Variants in ITPR3 observed in about 807,000 individuals in gnomAD.
The protein encoded by ITPR3 is inositol 1,4,5-trisphosphate-gated calcium channel ITPR3.
In ITPR3, 173 loss-of-function variants were observed where a neutral mutation model predicts 293.2. That is an observed-to-expected ratio of 0.59 (90% CI 0.52 to 0.67). The LOEUF is 0.67. Among genes scored for constraint, ITPR3 ranks in the 30% least tolerant of loss-of-function variants. The pLI is 0.00. For synonymous variants in ITPR3, 1,295 were observed against 1,444.4 expected (o/e 0.90, Z 2.35); for missense variants, 2,796 against 3,592.1 (o/e 0.78, Z 5.66).
At position 33,693,664 on chromosome 6, in the gene ITPR3, G is replaced by A. The variant is rs1259862533; in HGVS notation, c.7744G>A (p.Asp2582Asn). The change falls in exon 56 of 58, where the codon GAC becomes AAC. Residue 2582 changes from aspartate to asparagine, a missense_variant. Around this residue, in one of 8 missense-constraint regions of ITPR3, gnomAD observed 568 missense variants for 796.1 expected, o/e 0.71. Transcript: ENST00000605930. ...GCTGGTCCGCGTGAAGAACAAGACC[G>A]ACTACACGGGCCCTGAGAGCTACGT... Reference protein sequence around the residue: ...IVLVRVKNKTDYTGPESYVAQ... With the variant: ...IVLVRVKNKTNYTGPESYVAQ... 5 of 1,614,068 alleles carry A rather than the reference G, an allele frequency of 3.1e-6. No homozygotes were observed. The highest frequency in any genetic ancestry group is 4.2e-6 in the Non-Finnish European group (5 of 1,180,038).
Position 33,667,802 on chromosome 6 carries a change from C to A in ITPR3, c.1724C>A (p.Ala575Asp). The A allele has an allele frequency of 6.2e-7, 1 of 1,614,072 alleles. No homozygotes were observed. Among genetic ancestry groups the A allele is most frequent in the Non-Finnish European group, 8.5e-7 (1 of 1,179,972 alleles). Reference protein sequence around the residue: ...EDYRKNQEHIAKQFGMMQSQI... With the variant: ...EDYRKNQEHIDKQFGMMQSQI... Reference sequence around the variant, plus strand: ...TGTCTGCCCCCCCAGGAGCACATTGCCAAGCAGTTTGGGATGATGCAGTCC... The same window carrying A: ...TGTCTGCCCCCCCAGGAGCACATTGACAAGCAGTTTGGGATGATGCAGTCC... The change falls in exon 16 of 58, where the codon GCC becomes GAC. Residue 575 changes from alanine to aspartate, a missense_variant. By Grantham distance (126) the Ala-to-Asp change is moderately radical. Coordinates refer to ENST00000605930, the MANE Select transcript of ITPR3 (RefSeq NM_002224.4). The surrounding 1 kb of genome is among the most constrained non-coding windows in gnomAD (Gnocchi z 4.4).
intron 17 of ITPR3, 129 bp downstream of exon 17, chr6:33,668,763 C>T: frequency 7.0e-7 from 1 of 1,436,650 alleles, no homozygotes; most frequent in Non-Finnish European, 9.5e-7. Context: ...GAACTCTGTG[C>T]CTGTTATGTG....
At position 33,680,130 on chromosome 6, in the gene ITPR3, T is replaced by C. The variant is rs755556692; in HGVS notation, c.4221T>C (p.Thr1407=). ...VSVVTHEDCI[T]EVKMAYVNFV... ...TGGTGACGCATGAGGACTGCATCAC[T>C]GAGGTGGGGATCGGGAGACTGGGCA... Residue 1407 remains threonine (T), a synonymous_variant, in exon 31 of 58, where the codon ACT becomes ACC. Transcript: ENST00000605930. 2.5e-6 allele frequency: 4 copies of C among 1,611,524 alleles called. No homozygotes were observed. Among genetic ancestry groups the C allele is most frequent in the South Asian group, 2.2e-5 (2 of 91,034 alleles).
At position 33,695,885 on chromosome 6, in the gene ITPR3, G is replaced by T; in HGVS notation, c.*105G>T. ...GTTGGGTGGCCCAGCCAGCTGGCCAGCCTCCACTCCCACTCTGCCAGACAC... is the reference window on the plus strand; with the variant it reads ...GTTGGGTGGCCCAGCCAGCTGGCCATCCTCCACTCCCACTCTGCCAGACAC... On this transcript the variant is annotated 3_prime_UTR_variant, in exon 58 of 58. Transcript: ENST00000605930. 1.9e-6 allele frequency: 2 copies of T among 1,079,754 alleles called. No individual in the cohort carries two copies. 66.9% of individuals were successfully genotyped at this position (1,079,754 alleles called of 1,614,324 possible).
In ITPR3 at chr6:33,688,001, G is replaced by C. The variant is rs192574629; in HGVS notation, c.6265-56G>C. On this transcript the variant is annotated intron_variant, in intron 46 of 57. Coordinates refer to ENST00000605930, the MANE Select transcript of ITPR3 (RefSeq NM_002224.4). Reference sequence around the variant, plus strand: ...GAAGGCCTGGGAGGGTGGGGGCTGAGTGCCAGCCTGGATGTGGAGGCTGGG... The same window carrying C: ...GAAGGCCTGGGAGGGTGGGGGCTGACTGCCAGCCTGGATGTGGAGGCTGGG... 2.1e-5 allele frequency: 30 copies of C among 1,409,096 alleles called. No homozygotes were observed. In the African/African-American group the frequency reaches 4.3e-4, roughly 20 times the overall value. 87.3% of individuals were successfully genotyped at this position (1,409,096 alleles called of 1,614,324 possible). A position where few individuals can be genotyped will look rare whatever the true frequency, so the allele number is the denominator to read the frequency against.
rs71565399 is a variant in ITPR3, at chr6:33,636,112, C to G, written c.90-4372C>G. ...GACCAGCCTGGCCAACGTGGTGAAA[C>G]GCTGTCTCTACAAAAAAAAAAAAAA... is the stretch of plus-strand genomic sequence containing the variant. On this transcript the variant is annotated intron_variant, in intron 1 of 57. Coordinates refer to ENST00000605930, the MANE Select transcript of ITPR3 (RefSeq NM_002224.4). Among the ~76,000 whole-genome samples the G allele has an allele frequency of 4.3e-3, 518 of 121,666 alleles. 3 individuals are homozygous for G. Among genetic ancestry groups the G allele is most frequent in the Non-Finnish European group, 6.4e-3 (400 of 62,328 alleles). 79.8% of individuals were successfully genotyped at this position (121,666 alleles called of 152,430 possible). A position where few individuals can be genotyped will look rare whatever the true frequency, so the allele number is the denominator to read the frequency against.
intron 1 of ITPR3, among the ~76,000 whole-genome samples, chr6:33,623,913 C>T (rs1179402300): frequency 6.6e-6 from 1 of 152,214 alleles, no homozygotes; most frequent in Non-Finnish European, 1.5e-5. Context: ...TTTCTAGCAT[C>T]GGCCTGTGCA....
rs934826713 is a variant in ITPR3, at chr6:33,687,871, C to A, written c.6265-186C>A. ...TTCTCTGGTCATGGCTCTCCCACTC[C>A]CCTCCCTTTGGCACCAGGTTCTCAA... is the stretch of plus-strand genomic sequence containing the variant. On this transcript the variant is annotated intron_variant, in intron 46 of 57. Coordinates refer to ENST00000605930, the MANE Select transcript of ITPR3 (RefSeq NM_002224.4). This position sits in a 1 kb window ranked among gnomAD's most constrained non-coding sequence, Gnocchi z 5.3. Among the ~76,000 whole-genome samples the A allele has an allele frequency of 5.3e-5, 8 of 152,054 alleles. No homozygotes were observed. Among genetic ancestry groups the A allele is most frequent in the African/African-American group, 1.9e-4 (8 of 41,458 alleles).
chr6:33,674,773 G>T (rs1764863249), intron 24 of ITPR3, among the ~76,000 whole-genome samples: 1 of 152,206 alleles, frequency 6.6e-6, no homozygotes, highest in South Asian at 2.1e-4. Flanking sequence ...CTTGGAGCGA[G>T]TTATCAAAAT....
chr6:33,675,613 G>A lies in ITPR3; in HGVS notation c.3117-78G>A. 7 of 1,475,882 alleles carry A rather than the reference G, an allele frequency of 4.7e-6. No homozygotes were observed. Among genetic ancestry groups the A allele is most frequent in the Non-Finnish European group, 6.3e-6 (7 of 1,104,292 alleles). 91.4% of individuals were successfully genotyped at this position (1,475,882 alleles called of 1,614,324 possible). A position where few individuals can be genotyped will look rare whatever the true frequency, so the allele number is the denominator to read the frequency against. On this transcript the variant is annotated intron_variant, in intron 24 of 57. Coordinates refer to ENST00000605930, the MANE Select transcript of ITPR3 (RefSeq NM_002224.4). The surrounding 1 kb of genome is among the most constrained non-coding windows in gnomAD (Gnocchi z 5.0). The stretch of plus-strand genomic sequence containing the variant: ...ATTGGGTGGCGGAGAGTGTGCTTGT[G>A]CCAGGGCCCCTTACCCACCACGGAC...
intron 2 of ITPR3, among the ~76,000 whole-genome samples, chr6:33,641,653 C>T (rs924681992): frequency 6.6e-6 from 1 of 152,094 alleles, no homozygotes; most frequent in Non-Finnish European, 1.5e-5. Context: ...CCCCTGCTGC[C>T]TCTCCACCTC....
Position 33,668,567 on chromosome 6 carries a change from GT to G in ITPR3, c.1940del (p.Val647AlafsTer27). 2.5e-6 allele frequency: 4 copies of G among 1,614,156 alleles called. No homozygotes were observed. Among genetic ancestry groups the G allele is most frequent in the Non-Finnish European group, 3.4e-6 (4 of 1,180,018 alleles). On this transcript the variant is annotated frameshift_variant, in exon 17 of 58. Coordinates refer to ENST00000605930, the MANE Select transcript of ITPR3 (RefSeq NM_002224.4). LOFTEE classifies it high-confidence loss of function. ...LCVSNHIAIP[V>X]TQELICKCVL... ...TGTGTCCAACCACATCGCCATCCCC[GT>G]CACCCAAGAGCTCATCTGCAAGTGT... is the stretch of plus-strand genomic sequence containing the variant.
At position 33,696,002 on chromosome 6, in the gene ITPR3, C is replaced by T; in HGVS notation, c.*222C>T. 2 of 573,632 alleles carry T rather than the reference C, an allele frequency of 3.5e-6. No individual in the cohort carries two copies. Among genetic ancestry groups the T allele is most frequent in the Non-Finnish European group, 6.2e-6 (2 of 320,494 alleles). The allele number at this position is 573,632 out of a possible 1,614,324, so 35.5% of individuals were successfully genotyped here. On this transcript the variant is annotated 3_prime_UTR_variant, in exon 58 of 58. Transcript: ENST00000605930. Reference sequence around the variant, plus strand: ...GCCCTTAAAAAGACTTGAAAGTTCACTGGGACTCAGTTTACCTTAATGCCT... The same window carrying T: ...GCCCTTAAAAAGACTTGAAAGTTCATTGGGACTCAGTTTACCTTAATGCCT...
Position 33,680,592 on chromosome 6 carries a change from C to A in ITPR3, c.4388C>A (p.Thr1463Asn). ...CGTGAGAAGCGCGTGGCTGACCCCACCTTGGAGAAGTACGTGCTGAGCGTT... is the reference window on the plus strand; with the variant it reads ...CGTGAGAAGCGCGTGGCTGACCCCAACTTGGAGAAGTACGTGCTGAGCGTT... ...SKREKRVADP[T>N]LEKYVLSVVL... Residue 1463 changes from threonine (T) to asparagine (N), a missense_variant, in exon 33 of 58, where the codon ACC becomes AAC. Transcript: ENST00000605930. 1.2e-6 allele frequency: 2 copies of A among 1,614,150 alleles called. No homozygotes were observed. Among genetic ancestry groups the A allele is most frequent in the Non-Finnish European group, 1.7e-6 (2 of 1,180,012 alleles).
At chr6:33,676,134 C>A (rs1408608245) in intron 25 of ITPR3, among the ~76,000 whole-genome samples, 1 of 152,278 alleles carries the variant, frequency 6.6e-6, no homozygotes, top group African/African-American at 2.4e-5. Context: ...ACAACCCTCA[C>A]TGACGTGACT....
At position 33,695,006 on chromosome 6, in the gene ITPR3, G is replaced by A. The variant is rs770636459; in HGVS notation, c.7868G>A (p.Arg2623Gln). 3 of 1,614,070 alleles carry A rather than the reference G, an allele frequency of 1.9e-6. No homozygotes were observed. In the South Asian group the frequency reaches 3.3e-5, roughly 18 times the overall value. ...NEGEGEQNEI[R>Q]ILQDKLNSTM... ...GGCGAGGGGGAGCAGAATGAGATTC[G>A]GATTCTCCAGGACAAGCTCAACTCC... The change falls in exon 57 of 58, where the codon CGG (arginine) becomes CAG (glutamine). Residue 2623 changes from arginine to glutamine, a missense_variant. Physicochemically the swap from Arg to Gln is conservative, Grantham distance 43 (BLOSUM62 1). Coordinates refer to ENST00000605930, the MANE Select transcript of ITPR3 (RefSeq NM_002224.4).
rs34014770 is a variant in ITPR3, at chr6:33,666,605, G to GTTT, written c.1552-513_1552-511dup. ...TTCCCAGAATGTCTTTGTAAAGTTT[G>GTTT]TTTTTTTTTTTTTAGAAACGAGGAT... On this transcript the variant is annotated intron_variant, in intron 14 of 57. Coordinates refer to ENST00000605930, the MANE Select transcript of ITPR3 (RefSeq NM_002224.4). This position sits in a 1 kb window ranked among gnomAD's most constrained non-coding sequence, Gnocchi z 5.1. Among the ~76,000 whole-genome samples the GTTT allele has an allele frequency of 1.1e-4, 16 of 144,706 alleles. No individual in the cohort carries two copies. The highest frequency in any genetic ancestry group is 3.0e-4 in the African/African-American group (12 of 39,568). 94.9% of individuals were successfully genotyped at this position (144,706 alleles called of 152,430 possible).
intron 39 of ITPR3, 100 bp from the exon 40 acceptor site, chr6:33,685,259 C>A: frequency 8.2e-7 from 1 of 1,213,196 alleles, no homozygotes; most frequent in Non-Finnish European, 1.2e-6. Context: ...CAGGCCCCTG[C>A]AGCCCCAGCG....
chr6:33,685,051 G>A (rs1037091790), intron 39 of ITPR3, 108 bp downstream of exon 39: 1 of 1,310,922 alleles, frequency 7.6e-7, no homozygotes, highest in Non-Finnish European at 1.1e-6. Flanking sequence ...TGAAAGAGGA[G>A]AGGCCTGAGC....
Sources: gnomAD v4.1 joint callset for allele counts (sites outside exome capture counted in the v4.1 genomes callset) on GRCh38, gnomAD v4.1.1 for gene constraint, gnomAD v4.1.1 regional missense constraint, Gnocchi (gnomAD v3.1) non-coding constraint, MANE v1.5 for transcripts, NCBI Gene and HGNC (gene_info 2026-07-23, HGNC 2026-07-21) for gene names.